HTRA3: variants seen among roughly 807,000 people sequenced by gnomAD.
HTRA3 encodes the protein HtrA serine peptidase 3.
HTRA3 carries 41 observed loss-of-function variants against 43.2 expected under a neutral mutation model. The observed-to-expected ratio is 0.95, with a 90% CI of 0.74 to 1.23. HTRA3 has a LOEUF of 1.23. HTRA3 is among the 50% of genes most tolerant of loss of function. HTRA3 has a pLI of 0.00. For missense variants in HTRA3, 628 were observed against 647.1 expected, an observed-to-expected ratio of 0.97 and a Z score of 0.32; for synonymous variants, 295 against 287.9, an observed-to-expected ratio of 1.02 and a Z score of -0.25.
At chr4:8,281,465 T>C (rs1309205196) in intron 1 of HTRA3, among the ~76,000 whole-genome samples, 1 of 152,172 alleles carries the variant, frequency 6.6e-6, no homozygotes, top group Non-Finnish European at 1.5e-5. Context: ...GCATATTCAG[T>C]CCCATTTTTC....
chr4:8,297,915 T>C lies in HTRA3; in HGVS notation c.1051+3714T>C, dbSNP rs1264908360. ...CCTGCTCCTGCAGCCCCACCTGCCG[T>C]CCCCACTGAGTTATGTCAGCCTTGT... On this transcript the variant is annotated intron_variant, in intron 6 of 8. Coordinates refer to ENST00000307358, the MANE Select transcript of HTRA3 (RefSeq NM_053044.5). The surrounding 1 kb of genome is among the most constrained non-coding windows in gnomAD (Gnocchi z 5.8). Among the ~76,000 whole-genome samples, 2 of 152,096 alleles carry C rather than the reference T, an allele frequency of 1.3e-5. No individual in the cohort carries two copies. The highest frequency in any genetic ancestry group is 3.9e-4 in the East Asian group (2 of 5,188).
chr4:8,304,065 A>C, intron 7 of HTRA3, 119 bp from the exon 8 acceptor site: 1 of 706,698 alleles, frequency 1.4e-6, no homozygotes, highest in South Asian at 1.7e-5. Flanking sequence ...ACAGGGCAGT[A>C]TGGGGGCCCA....
chr4:8,269,925 C>A lies in HTRA3; in HGVS notation c.-44C>A. 1.0e-6 allele frequency: 1 copy of A among 972,726 alleles called. No individual in the cohort carries two copies. Among genetic ancestry groups the A allele is most frequent in the Non-Finnish European group, 1.2e-6 (1 of 809,954 alleles). 60.3% of individuals were successfully genotyped at this position (972,726 alleles called of 1,614,324 possible). A position where few individuals can be genotyped will look rare whatever the true frequency, so the allele number is the denominator to read the frequency against. The stretch of plus-strand genomic sequence containing the variant: ...GCGGCCTCGTTGTCCCCGCCGGCCC[C>A]CGCCCGGTCTCCCGCGCTGCCACCC... On this transcript the variant is annotated 5_prime_UTR_variant, in exon 1 of 9. Transcript: ENST00000307358.
chr4:8,285,078 A>C (rs1266896235), intron 2 of HTRA3, among the ~76,000 whole-genome samples: 1 of 152,058 alleles, frequency 6.6e-6, no homozygotes, highest in Non-Finnish European at 1.5e-5. Flanking sequence ...CTCGGCCCTT[A>C]GACCCCTCTC....
chr4:8,304,643 GTTTTTTTTTTT>G (rs140790982), intron 8 of HTRA3, among the ~76,000 whole-genome samples: 8 of 62,736 alleles, frequency 1.3e-4, no homozygotes, highest in African/African-American at 2.7e-4. Flanking sequence ...TCAGCCTATT[GTTTTTTTTTTT>G]TTTTTTTTTT....
At chr4:8,298,624 T>C (rs1307580991) in intron 6 of HTRA3, among the ~76,000 whole-genome samples, 1 of 152,226 alleles carries the variant, frequency 6.6e-6, no homozygotes, top group East Asian at 1.9e-4. Context: ...GAAGTTTTAC[T>C]TTTTGAGGTT....
rs114190079 is a variant in HTRA3 at position 8,297,913 on chromosome 4, C to T, written c.1051+3712C>T. ...CCCCTGCTCCTGCAGCCCCACCTGC[C>T]GTCCCCACTGAGTTATGTCAGCCTT... On this transcript the variant is annotated intron_variant, in intron 6 of 8. Coordinates refer to ENST00000307358, the MANE Select transcript of HTRA3 (RefSeq NM_053044.5). The surrounding 1 kb of genome is among the most constrained non-coding windows in gnomAD (Gnocchi z 5.8). Among the ~76,000 whole-genome samples the T allele has an allele frequency of 0.031, 4,741 of 152,244 alleles. 245 individuals are homozygous for T. Among genetic ancestry groups the T allele is most frequent in the African/African-American group, 0.11 (4,507 of 41,510 alleles).
intron 2 of HTRA3, among the ~76,000 whole-genome samples, chr4:8,285,977 C>T (rs1378054894): frequency 1.3e-5 from 2 of 152,198 alleles, no homozygotes; most frequent in Non-Finnish European, 2.9e-5. Context: ...GGAATCTGCC[C>T]CAGCCTCTGG....
At chr4:8,282,566 C>T (rs1414299278) in intron 2 of HTRA3, 30 bp downstream of exon 2, 4 of 1,531,530 alleles carry the variant, frequency 2.6e-6, no homozygotes, top group African/African-American at 1.4e-5. Flanking sequence ...CCCTCTCTGC[C>T]TCCTGGTGTC....
At chr4:8,300,793 T>G (rs754457855) in intron 6 of HTRA3, among the ~76,000 whole-genome samples, 1 of 152,192 alleles carries the variant, frequency 6.6e-6, no homozygotes, top group East Asian at 1.9e-4. Context: ...TCTTTATTAT[T>G]GATTCACACT....
Position 8,270,196 on chromosome 4 carries a change from C to T in HTRA3, c.228C>T (p.Cys76=). The stretch of plus-strand genomic sequence containing the variant: ...CGCCTTGCGGCGAGAGCCTGGAGTG[C>T]GTGCGCGGCCTATGCCGCTGCCGCT... The part of the protein sequence containing the change: ...LDSPCGESLE[C]VRGLCRCRWS... Residue 76 remains cysteine (C), a synonymous_variant, in exon 1 of 9, where the codon TGC becomes TGT. Coordinates refer to ENST00000307358, the MANE Select transcript of HTRA3 (RefSeq NM_053044.5). The T allele has an allele frequency of 1.3e-6, 2 of 1,539,460 alleles. No homozygotes were observed. The highest frequency in any genetic ancestry group is 1.7e-6 in the Non-Finnish European group (2 of 1,155,308).
At chr4:8,290,609 C>T (rs903074197) in intron 3 of HTRA3, among the ~76,000 whole-genome samples, 1 of 152,202 alleles carries the variant, frequency 6.6e-6, no homozygotes, top group African/African-American at 2.4e-5. Context: ...ACCGCCTTCC[C>T]CAATTTATCG....
chr4:8,288,255 C>A (rs1284511276), intron 3 of HTRA3, among the ~76,000 whole-genome samples: 1 of 152,148 alleles, frequency 6.6e-6, no homozygotes, highest in Admixed American at 6.5e-5. Context: ...GGTGTGCTCA[C>A]GGACAGGAGT....
chr4:8,282,572 G>T (rs1560136163), intron 2 of HTRA3, 36 bp downstream of exon 2: 2 of 1,499,078 alleles, frequency 1.3e-6, no homozygotes, highest in Admixed American at 3.4e-5. Flanking sequence ...CTGCCTCCTG[G>T]TGTCCCCTGG....
intron 1 of HTRA3, among the ~76,000 whole-genome samples, chr4:8,276,619 C>G (rs1414871949): frequency 1.3e-5 from 2 of 152,270 alleles, no homozygotes; most frequent in Non-Finnish European, 2.9e-5. Context: ...GCACTGTGCA[C>G]AAGGACCAGC....
chr4:8,272,965 A>G (rs1366493341), intron 1 of HTRA3, among the ~76,000 whole-genome samples: 1 of 152,190 alleles, frequency 6.6e-6, no homozygotes, highest in African/African-American at 2.4e-5. Context: ...CGGCAGGGCG[A>G]CACGCAGAGT....
At chr4:8,271,500 G>A (rs756378908) in intron 1 of HTRA3, among the ~76,000 whole-genome samples, 1 of 152,198 alleles carries the variant, frequency 6.6e-6, no homozygotes, top group Non-Finnish European at 1.5e-5. Context: ...AGATTAGCTA[G>A]GATTATGTGG....
Position 8,296,747 on chromosome 4 carries a change from T to TG in HTRA3, c.1051+2550dup, listed in dbSNP as rs1211924668. Among the ~76,000 whole-genome samples the TG allele has an allele frequency of 2.0e-5, 3 of 152,056 alleles. No homozygotes were observed. Among genetic ancestry groups the TG allele is most frequent in the Admixed American group, 6.5e-5 (1 of 15,276 alleles). On this transcript the variant is annotated intron_variant, in intron 6 of 8. Coordinates refer to ENST00000307358, the MANE Select transcript of HTRA3 (RefSeq NM_053044.5). This position sits in a 1 kb window ranked among gnomAD's most constrained non-coding sequence, Gnocchi z 5.3. Reference sequence around the variant, plus strand: ...TGGGCATCTGCCCCTCTGTGGACTGTGGGGAACAGTGCAGTTCATAGGTGG... The same window carrying TG: ...TGGGCATCTGCCCCTCTGTGGACTGTGGGGGAACAGTGCAGTTCATAGGTGG...
intron 6 of HTRA3, among the ~76,000 whole-genome samples, chr4:8,301,559 AT>A (rs1268600429): frequency 2.6e-5 from 4 of 151,756 alleles, no homozygotes; most frequent in South Asian, 4.2e-4. Context: ...ACTTTTAATT[AT>A]TTTTTTTCTT....
Sources: gnomAD v4.1 joint callset for allele counts (sites outside exome capture counted in the v4.1 genomes callset) on GRCh38, gnomAD v4.1.1 for gene constraint, Gnocchi (gnomAD v3.1) non-coding constraint, MANE v1.5 for transcripts, NCBI Gene and HGNC (gene_info 2026-07-23, HGNC 2026-07-21) for gene names.